Variants in CUX1 observed in about 807,000 individuals in gnomAD.
The protein encoded by CUX1 is protein CASP.
In CUX1, 31 loss-of-function variants were observed where a neutral mutation model predicts 158.8. That is an observed-to-expected ratio of 0.20 (90% CI 0.15 to 0.26). CUX1 has a LOEUF of 0.26. Among genes scored for constraint, CUX1 ranks in the 10% least tolerant of loss-of-function variants. The probability of loss-of-function intolerance (pLI) is 1.00; values close to 1 mark genes in which losing one functional copy is unlikely to be tolerated. For missense variants in CUX1, 1,589 were observed against 2,014.6 expected (o/e 0.79, Z 4.04); for synonymous variants, 879 against 862.1 (o/e 1.02, Z -0.34).
intron 1 of CUX1, among the ~76,000 whole-genome samples, chr7:101,845,870 C>T (rs1795635582): frequency 6.6e-6 from 1 of 152,054 alleles, no homozygotes; most frequent in Non-Finnish European, 1.5e-5. Context: ...TAGCCAGATG[C>T]AGTGGCACAT....
chr7:102,249,402 A>G lies in CUX1; in HGVS notation c.*360A>G, dbSNP rs1448030189. The G allele has an allele frequency of 7.1e-6, 7 of 989,008 alleles. No homozygotes were observed. Among genetic ancestry groups the G allele is most frequent in the Middle Eastern group, 5.2e-4 (1 of 1,930 alleles). 61.3% of individuals were successfully genotyped at this position (989,008 alleles called of 1,614,324 possible). On this transcript the variant is annotated 3_prime_UTR_variant, in exon 24 of 24. Coordinates refer to ENST00000292535, the MANE Select transcript of CUX1 (RefSeq NM_181552.4). The stretch of plus-strand genomic sequence containing the variant: ...AGGCCAAGGTGCATATAGAAAACAA[A>G]GGAGCATTAAGCCCAATCTATGTCG...
chr7:102,019,096 C>A (rs1435758969), intron 2 of CUX1, among the ~76,000 whole-genome samples: 1 of 152,222 alleles, frequency 6.6e-6, no homozygotes, highest in African/African-American at 2.4e-5. Context: ...CAGTTCGAAT[C>A]TGCCCTTCTT....
Position 102,111,786 on chromosome 7 carries a change from T to G in CUX1, c.607+12T>G. The G allele has an allele frequency of 1.2e-6, 2 of 1,610,800 alleles. No individual in the cohort carries two copies. The highest frequency in any genetic ancestry group is 1.7e-6 in the Non-Finnish European group (2 of 1,177,040). On this transcript the variant is annotated intron_variant, in intron 7 of 23. Transcript: ENST00000292535. ...GAGCCTACAAACAGGTTTGATACTCTCCTTCCTAGTACCATGGATGTGGGG... is the reference window on the plus strand; with the variant it reads ...GAGCCTACAAACAGGTTTGATACTCGCCTTCCTAGTACCATGGATGTGGGG...
chr7:102,060,545 A>T (rs1379374772), intron 3 of CUX1, among the ~76,000 whole-genome samples: 2 of 151,738 alleles, frequency 1.3e-5, no homozygotes, highest in Non-Finnish European at 2.9e-5. Context: ...GAAGAGATCA[A>T]GGCTTCAGTA....
At chr7:101,926,219 A>T (rs1221294390) in intron 2 of CUX1, among the ~76,000 whole-genome samples, 1 of 152,214 alleles carries the variant, frequency 6.6e-6, no homozygotes, top group Non-Finnish European at 1.5e-5. Flanking sequence ...AGTTATAATA[A>T]GCCTTTAACT....
Position 102,216,889 on chromosome 7 carries a change from A to ACACACATTATCT in CUX1, c.3131-10472_3131-10471insTTATCTCACACA, listed in dbSNP as rs1261757533. Among the ~76,000 whole-genome samples the ACACACATTATCT allele has an allele frequency of 1.8e-4, 4 of 22,778 alleles. No homozygotes were observed. The South Asian group carries it at 6.9e-3, about 39-fold the overall frequency. The allele number at this position is 22,778 out of a possible 152,430, so 14.9% of individuals were successfully genotyped here. On this transcript the variant is annotated intron_variant, in intron 20 of 23. Coordinates refer to ENST00000292535, the MANE Select transcript of CUX1 (RefSeq NM_181552.4). The stretch of plus-strand genomic sequence containing the variant: ...TTCTCTCACACACACATTATCTCAC[A>ACACACATTATCT]CACACACACACACACACATTTGCAG...
Position 101,937,222 on chromosome 7 carries a change from G to A in CUX1, c.141+20997G>A, listed in dbSNP as rs558338044. On this transcript the variant is annotated intron_variant, in intron 2 of 23. Transcript: ENST00000292535. The stretch of plus-strand genomic sequence containing the variant: ...CCTGTACCGGGATGTCAGCACCCCA[G>A]CCCCCAGCTCCTCCCCCTGTGAAAG... Among the ~76,000 whole-genome samples the A allele has an allele frequency of 3.3e-5, 5 of 152,284 alleles. No individual in the cohort carries two copies. In the East Asian group the frequency reaches 9.7e-4, roughly 29 times the overall value.
At chr7:102,272,699 G>A (rs1461845904) in intron 14 of CUX1, among the ~76,000 whole-genome samples, 1 of 152,192 alleles carries the variant, frequency 6.6e-6, no homozygotes, top group Non-Finnish European at 1.5e-5. Flanking sequence ...TGCAGGGCAG[G>A]AAAGTCACAG....
chr7:102,044,598 TTGTC>T (rs930743798), intron 3 of CUX1, among the ~76,000 whole-genome samples: 8 of 152,174 alleles, frequency 5.3e-5, no homozygotes, highest in Non-Finnish European at 1.0e-4. Context: ...GGCCCGTATC[TTGTC>T]TTAGATGCTT....
chr7:101,944,098 G>C (rs1232077493), intron 2 of CUX1, among the ~76,000 whole-genome samples: 2 of 152,110 alleles, frequency 1.3e-5, no homozygotes, highest in Admixed American at 6.6e-5. Context: ...AGGTGTGAGT[G>C]ACTCAGGCCT....
chr7:102,253,912 C>G lies in CUX1; in HGVS notation c.*4870C>G, dbSNP rs1801792634. 1 of 985,592 alleles carries G rather than the reference C, an allele frequency of 1.0e-6. No homozygotes were observed. The highest frequency in any genetic ancestry group is 4.7e-5 in the South Asian group (1 of 21,290). The allele number at this position is 985,592 out of a possible 1,614,324, so 61.1% of individuals were successfully genotyped here. On this transcript the variant is annotated 3_prime_UTR_variant, in exon 24 of 24. Transcript: ENST00000292535. ...CCCCAGATGTCCTCCCTCTTCTTCACACTCCTCATTGTCCCTTCTACCTCA... is the reference window on the plus strand; with the variant it reads ...CCCCAGATGTCCTCCCTCTTCTTCAGACTCCTCATTGTCCCTTCTACCTCA...
chr7:102,118,350 C>T (rs959538027), intron 8 of CUX1, among the ~76,000 whole-genome samples: 24 of 152,218 alleles, frequency 1.6e-4, no homozygotes, highest in Admixed American at 1.4e-3. Context: ...CCAGCCTGGG[C>T]AACATGGCAA....
At chr7:101,997,063 G>A (rs80152351) in intron 2 of CUX1, among the ~76,000 whole-genome samples, 1,840 of 152,212 alleles carry the variant, frequency 0.012, 13 homozygotes, top group South Asian at 0.026. Context: ...TCCTCTGACC[G>A]CCCATCAGGG....
chr7:102,180,734 C>T (rs1013877340), intron 11 of CUX1, among the ~76,000 whole-genome samples: 4 of 151,174 alleles, frequency 2.6e-5, no homozygotes, highest in Admixed American at 2.0e-4. Flanking sequence ...ATGGCTCCCA[C>T]GACCCTCCCT....
chr7:101,986,212 G>A (rs528055501), intron 2 of CUX1, among the ~76,000 whole-genome samples: 5 of 152,322 alleles, frequency 3.3e-5, no homozygotes, highest in African/African-American at 9.6e-5. Flanking sequence ...AATTGGTAAC[G>A]AGGCACTGGG....
At chr7:101,842,912 G>C (rs867303142) in intron 1 of CUX1, among the ~76,000 whole-genome samples, 50 of 123,722 alleles carry the variant, frequency 4.0e-4, no homozygotes, top group Admixed American at 5.8e-4. Flanking sequence ...TCTCTCTGTC[G>C]CCCAGGCTGG....
intron 3 of CUX1, among the ~76,000 whole-genome samples, chr7:102,069,258 C>T (rs1207558208): frequency 6.6e-6 from 1 of 152,200 alleles, no homozygotes; most frequent in Non-Finnish European, 1.5e-5. Context: ...ACCATGCACC[C>T]TTGTGCCCCT....
rs114546924 is a variant in CUX1, at chr7:102,046,794, C to T, written c.189+18649C>T. On this transcript the variant is annotated intron_variant, in intron 3 of 23. Coordinates refer to ENST00000292535, the MANE Select transcript of CUX1 (RefSeq NM_181552.4). ...TGAGGGCTTGCTACGTTGCCCAAGA[C>T]GGTCTTGAACTCCTGGCCTCAAGCA... Among the ~76,000 whole-genome samples the T allele has an allele frequency of 2.2e-3, 328 of 151,946 alleles. 4 individuals carry two copies. The highest frequency in any genetic ancestry group is 7.5e-3 in the African/African-American group (309 of 41,454).
intron 1 of CUX1, among the ~76,000 whole-genome samples, chr7:101,915,149 G>T (rs1291897469): frequency 6.6e-6 from 1 of 152,190 alleles, no homozygotes; most frequent in Non-Finnish European, 1.5e-5. Context: ...AGTTGCCAAA[G>T]CGACTCGGCA....
Sources: allele counts gnomAD v4.1 joint callset (sites outside exome capture counted in the v4.1 genomes callset), GRCh38; gene constraint gnomAD v4.1.1; transcripts MANE v1.5; gene names NCBI Gene and HGNC (gene_info 2026-07-23, HGNC 2026-07-21).